The following ZNF185 variants were observed in gnomAD, a reference collection of about 807,000 sequenced individuals.
ZNF185 encodes zinc finger protein 185 with LIM domain, also known as zinc finger protein 185.
ZNF185 carries 56 observed loss-of-function variants against 58.6 expected under a neutral mutation model. That is an observed-to-expected ratio of 0.95 (90% confidence interval 0.77 to 1.19). ZNF185 has a LOEUF of 1.19. Ranked by LOEUF, ZNF185 falls within the 50% of genes most tolerant of loss-of-function variation. The pLI is 0.00. For synonymous variants in ZNF185, 230 were observed against 215.9 expected (o/e 1.07, Z -0.57); for missense variants, 627 against 573.5 (o/e 1.09, Z -0.95).
At chrX:152,909,176 G>C in the ZNF185 span, among the ~76,000 whole-genome samples, 1 of 112,608 alleles carries the variant, frequency 8.9e-6, no homozygotes, top group Admixed American at 9.3e-5. Context: ...GAGAGCTGAG[G>C]GTGGCCCTGG....
At chrX:152,918,146 C>T (rs1556867330) in exon 6 of ZNF185, 1 of 1,192,339 alleles carries the variant, frequency 8.4e-7, no homozygotes, top group Non-Finnish European at 1.1e-6. Flanking sequence ...CTGAGGATTA[C>T]AAGAAGCTGT....
chrX:152,919,012 C>T lies in ZNF185; in HGVS notation c.461C>T (p.Thr154Ile), dbSNP rs782593849. The T allele has an allele frequency of 1.8e-5, 22 of 1,208,753 alleles. No homozygotes were observed. The Admixed American group carries it at 4.8e-4, about 26-fold the overall frequency. Residue 154 changes from threonine to isoleucine, a missense_variant, in exon 7 of 23, where the codon ACA (threonine) becomes ATA (isoleucine). Thr to Ile is a moderately conservative substitution (Grantham distance 89). Transcript: ENST00000449285. Reference sequence around the variant, plus strand: ...CCCTACAATATCAGGCGCAGCTCTACATCAGGGGACACCGAGGAGGAGGAG... The same window carrying T: ...CCCTACAATATCAGGCGCAGCTCTATATCAGGGGACACCGAGGAGGAGGAG...
At chrX:152,936,634 C>G (rs1203415776) in intron 14 of ZNF185, 121 bp downstream of exon 16, 1 of 583,635 alleles carries the variant, frequency 1.7e-6, no homozygotes, top group African/African-American at 2.3e-5. Flanking sequence ...GCCACTTTCA[C>G]ATCAGGTGAT....
At position 152,963,734 on chromosome X, in the gene ZNF185, G is replaced by A. The variant is rs781954876; in HGVS notation, c.1608-105G>A. 3.0e-5 allele frequency: 19 copies of A among 641,182 alleles called. No homozygotes were observed. In the African/African-American group the frequency reaches 4.1e-4, roughly 14 times the overall value. 52.8% of individuals were successfully genotyped at this position (641,182 alleles called of 1,213,427 possible). On this transcript the variant is annotated intron_variant, in intron 17 of 22. Transcript: ENST00000449285. ...GTTCCATTTGTTGGTCTTGGAGGAA[G>A]CTTCAAGAGCAGTGCTCAAGGGTTA...
At chrX:152,948,145 C>A (rs1842583414) in intron 16 of ZNF185, among the ~76,000 whole-genome samples, 1 of 111,778 alleles carries the variant, frequency 8.9e-6, no homozygotes, top group African/African-American at 3.3e-5. Context: ...AGCTAACTTT[C>A]CAGTGCTCTG....
At chrX:152,952,653 C>T (rs1556900988) in intron 16 of ZNF185, among the ~76,000 whole-genome samples, 1 of 109,765 alleles carries the variant, frequency 9.1e-6, no homozygotes, top group East Asian at 2.9e-4. Flanking sequence ...GAGGTAGAGG[C>T]ATTGAAGGGG....
At chrX:152,927,993 A>G (rs782167188) in intron 11 of ZNF185, among the ~76,000 whole-genome samples, 2 of 112,684 alleles carry the variant, frequency 1.8e-5, no homozygotes, top group Admixed American at 1.9e-4. Flanking sequence ...GCCTTGCAGT[A>G]CGGCCAGAGA....
At chrX:152,923,573 T>G (rs1940208206) in intron 11 of ZNF185, among the ~76,000 whole-genome samples, 1 of 112,375 alleles carries the variant, frequency 8.9e-6, no homozygotes, top group Non-Finnish European at 1.9e-5. Flanking sequence ...CCCCAGTCTT[T>G]TTGGCACCAG....
intron 12 of ZNF185, 144 bp from the exon 14 acceptor site, chrX:152,931,528 G>C: frequency 2.3e-6 from 1 of 443,672 alleles, no homozygotes; most frequent in Non-Finnish European, 3.8e-6. Context: ...CAAAATGCTG[G>C]GTTATAGGCG....
chrX:152,921,110 C>T (rs1939618072), intron 9 of ZNF185, among the ~76,000 whole-genome samples: 1 of 112,241 alleles, frequency 8.9e-6, no homozygotes, highest in African/African-American at 3.2e-5. Flanking sequence ...ATCAGGAGAA[C>T]TTCCCCTGGG....
At position 152,935,446 on chromosome X, in the gene ZNF185, C is replaced by T. The variant is rs1350375151; in HGVS notation, c.1121+2475C>T. 5.5e-5 allele frequency among the ~76,000 whole-genome samples: 6 copies of T among 109,415 alleles called. No individual in the cohort carries two copies. The East Asian group carries it at 1.8e-3, about 32-fold the overall frequency. On this transcript the variant is annotated intron_variant, in intron 14 of 22. Transcript: ENST00000449285. Reference sequence around the variant, plus strand: ...AGAGACGGGGTTTCACCGTGTTAGCCAGGATGGTCTCGATCTCCTGAACTC... The same window carrying T: ...AGAGACGGGGTTTCACCGTGTTAGCTAGGATGGTCTCGATCTCCTGAACTC...
chrX:152,943,259 G>A (rs1459733528), intron 15 of ZNF185, among the ~76,000 whole-genome samples: 1 of 111,687 alleles, frequency 9.0e-6, no homozygotes, highest in Non-Finnish European at 1.9e-5. Flanking sequence ...GCCTGCCAAA[G>A]TACTGAAATT....
intron 11 of ZNF185, among the ~76,000 whole-genome samples, chrX:152,926,478 C>G (rs1198928491): frequency 8.9e-6 from 1 of 112,751 alleles, no homozygotes; most frequent in East Asian, 2.8e-4. Context: ...GAGGTATCCC[C>G]TCGCCCCACA....
rs895169034 is a variant in ZNF185 at position 152,938,022 on chromosome X, C to G, written c.1122-52C>G. 6 of 1,120,846 alleles carry G rather than the reference C, an allele frequency of 5.4e-6. No individual in the cohort carries two copies. The African/African-American group carries it at 5.5e-5, about 10-fold the overall frequency. 92.4% of individuals were successfully genotyped at this position (1,120,846 alleles called of 1,213,427 possible). A position where few individuals can be genotyped will look rare whatever the true frequency, so the allele number is the denominator to read the frequency against. On this transcript the variant is annotated intron_variant, in intron 14 of 22. Transcript: ENST00000449285. Reference sequence around the variant, plus strand: ...GCAGCCTGGAGGGGGAAGACCTGGGCCCCAGCCTTCTTTGGTCTGAGATCT... The same window carrying G: ...GCAGCCTGGAGGGGGAAGACCTGGGGCCCAGCCTTCTTTGGTCTGAGATCT...
chrX:152,909,939 A>C (rs1603091926), upstream of ZNF185, among the ~76,000 whole-genome samples: 2 of 84,834 alleles, frequency 2.4e-5, no homozygotes, highest in South Asian at 5.6e-4. Context: ...ATGGAGTCTC[A>C]CTCTGCTGCC....
chrX:152,955,789 C>G (rs1556904260), intron 16 of ZNF185, among the ~76,000 whole-genome samples: 1 of 110,923 alleles, frequency 9.0e-6, no homozygotes, highest in Non-Finnish European at 1.9e-5. Context: ...GTAATCCCAG[C>G]TACTCGGGAG....
exon 6 of ZNF185, chrX:152,918,087 G>A: frequency 8.4e-7 from 1 of 1,191,152 alleles, no homozygotes; most frequent in South Asian, 1.8e-5. Context: ...GGTGAGAACA[G>A]CTAACGCTGG....
At chrX:152,964,488 G>A (rs2049907634) in intron 18 of ZNF185, among the ~76,000 whole-genome samples, 1 of 112,090 alleles carries the variant, frequency 8.9e-6, no homozygotes, top group Non-Finnish European at 1.9e-5. Flanking sequence ...GAGTGAGGAA[G>A]GGGAGGGCCC....
At chrX:152,912,919 T>C (rs1388962081), upstream of ZNF185, among the ~76,000 whole-genome samples, 3 of 113,001 alleles carry the variant, frequency 2.7e-5, no homozygotes, top group Admixed American at 2.8e-4. Context: ...GTGGCAGCTT[T>C]GGTGCAGGGC....
Sources: allele counts gnomAD v4.1 joint callset (sites outside exome capture counted in the v4.1 genomes callset), GRCh38; gene constraint gnomAD v4.1.1; transcripts MANE v1.5; gene names NCBI Gene and HGNC (gene_info 2026-07-23, HGNC 2026-07-21).